Variants in CDH13 observed in about 807,000 individuals in gnomAD.
CDH13 encodes cadherin 13.
In CDH13, 24 loss-of-function variants were observed where a neutral mutation model predicts 63.8. The ratio of observed to expected loss-of-function variants is 0.38; its 90% CI spans 0.27 to 0.53. The LOEUF is 0.53. Ranked by LOEUF, CDH13 falls within the 20% of genes least tolerant of loss-of-function variation. CDH13 has a pLI of 0.85. For synonymous variants in CDH13, 503 were observed against 355.3 expected (o/e 1.42, Z -4.67); for missense variants, 1,049 against 903.1 (o/e 1.16, Z -2.07).
chr16:83,602,138 AAAAAACC>A (rs1410237482), intron 7 of CDH13, among the ~76,000 whole-genome samples: 2 of 82,928 alleles, frequency 2.4e-5, no homozygotes, highest in East Asian at 3.2e-4. Context: ...AAAAAAAAAA[AAAAAACC>A]CAAAGGACAA....
At chr16:83,378,701 C>T (rs2091501530) in intron 6 of CDH13, among the ~76,000 whole-genome samples, 1 of 152,114 alleles carries the variant, frequency 6.6e-6, no homozygotes, top group African/African-American at 2.4e-5. Flanking sequence ...GCCTTAGTTT[C>T]TTCCTCTTTA....
intron 5 of CDH13, among the ~76,000 whole-genome samples, chr16:83,342,327 A>AT (rs1306127016): frequency 6.6e-6 from 1 of 152,026 alleles, no homozygotes; most frequent in Non-Finnish European, 1.5e-5. Context: ...CTGTCTTTCC[A>AT]TGCTGGGTTA....
At chr16:83,600,345 C>G (rs76989158) in intron 7 of CDH13, among the ~76,000 whole-genome samples, 1 of 152,150 alleles carries the variant, frequency 6.6e-6, no homozygotes, top group Admixed American at 6.5e-5. Flanking sequence ...CACTCATCAC[C>G]GTGAATTGAA....
In CDH13 at chr16:82,791,412, C is replaced by T. The variant is rs995663505; in HGVS notation, c.46-66950C>T. Among the ~76,000 whole-genome samples, 14 of 152,158 alleles carry T rather than the reference C, an allele frequency of 9.2e-5. 1 individual carries two copies. The highest frequency in any genetic ancestry group is 3.9e-4 in the East Asian group (2 of 5,182). On this transcript the variant is annotated intron_variant, in intron 1 of 13. Coordinates refer to ENST00000567109, the MANE Select transcript of CDH13 (RefSeq NM_001257.5). ...GTAAAGAAGTAGTCAAATCATATATCGCCTGAGAACACAGGGGGAGCGACA... is the reference window on the plus strand; with the variant it reads ...GTAAAGAAGTAGTCAAATCATATATTGCCTGAGAACACAGGGGGAGCGACA...
At chr16:83,071,517 T>A (rs1048375179) in intron 3 of CDH13, among the ~76,000 whole-genome samples, 4 of 152,194 alleles carry the variant, frequency 2.6e-5, no homozygotes, top group Non-Finnish European at 5.9e-5. Context: ...GAGCAACGTC[T>A]GCCCTCACTG....
At chr16:82,843,654 C>G (rs1340314579) in intron 1 of CDH13, among the ~76,000 whole-genome samples, 2 of 152,172 alleles carry the variant, frequency 1.3e-5, no homozygotes, top group African/African-American at 4.8e-5. Flanking sequence ...ACAAAAAGGA[C>G]TTTGGTTCTG....
At chr16:82,879,487 TTTAA>T (rs1343426242) in intron 2 of CDH13, among the ~76,000 whole-genome samples, 5 of 144,908 alleles carry the variant, frequency 3.5e-5, no homozygotes, top group Non-Finnish European at 7.5e-5. Flanking sequence ...AAATATATAA[TTTAA>T]TTAAATATAT....
At chr16:83,440,784 C>CAAAAA (rs34731612) in intron 6 of CDH13, among the ~76,000 whole-genome samples, 1 of 123,590 alleles carries the variant, frequency 8.1e-6, no homozygotes, top group African/African-American at 3.2e-5. Context: ...GACTTCATCT[C>CAAAAA]AAAAAAAAAA....
chr16:82,889,509 T>G (rs906357188), intron 2 of CDH13, among the ~76,000 whole-genome samples: 2 of 152,224 alleles, frequency 1.3e-5, no homozygotes, highest in Non-Finnish European at 2.9e-5. Flanking sequence ...TGTGCAGATA[T>G]GAGTGATGGT....
chr16:83,099,464 C>T (rs575085491), intron 3 of CDH13, among the ~76,000 whole-genome samples: 13 of 151,554 alleles, frequency 8.6e-5, no homozygotes, highest in Admixed American at 4.0e-4. Context: ...GCTGGGATTA[C>T]AGGCACCTGG....
chr16:83,026,811 A>C (rs1170976398), intron 2 of CDH13, among the ~76,000 whole-genome samples: 1 of 152,114 alleles, frequency 6.6e-6, no homozygotes. Context: ...AAATGCACAC[A>C]CTGATTCCAA....
At chr16:83,334,448 T>G (rs960563780) in intron 5 of CDH13, among the ~76,000 whole-genome samples, 7 of 150,250 alleles carry the variant, frequency 4.7e-5, no homozygotes, top group Admixed American at 6.6e-5. Flanking sequence ...CACAGCTCCC[T>G]GCAGCTTCAA....
At chr16:83,251,534 T>A (rs896496812) in intron 5 of CDH13, among the ~76,000 whole-genome samples, 6 of 152,224 alleles carry the variant, frequency 3.9e-5, no homozygotes, top group African/African-American at 9.6e-5. Context: ...ACATGTCTGT[T>A]CTGTCCTCAT....
intron 1 of CDH13, among the ~76,000 whole-genome samples, chr16:82,735,065 C>G (rs2033603026): frequency 6.6e-6 from 1 of 152,170 alleles, no homozygotes. Context: ...AGTTGGCAGA[C>G]TCTCTCTTTT....
At chr16:82,671,193 A>G (rs1176141293) in intron 1 of CDH13, among the ~76,000 whole-genome samples, 1 of 152,246 alleles carries the variant, frequency 6.6e-6, no homozygotes, top group African/African-American at 2.4e-5. Context: ...GCTTGTAAAT[A>G]AAGTAAATGA....
intron 6 of CDH13, among the ~76,000 whole-genome samples, chr16:83,435,874 T>C (rs2072283916): frequency 6.6e-6 from 1 of 152,200 alleles, no homozygotes; most frequent in South Asian, 2.1e-4. Context: ...AGAGAGGAAT[T>C]GTGTGGCTAA....
rs546270055 is a variant in CDH13, at chr16:83,800,486, T to G, written c.*5456T>G. The G allele has an allele frequency of 6.6e-6, 1 of 152,360 alleles. No homozygotes were observed. Among genetic ancestry groups the G allele is most frequent in the African/African-American group, 2.4e-5 (1 of 41,590 alleles). 9.4% of individuals were successfully genotyped at this position (152,360 alleles called of 1,614,324 possible). A position where few individuals can be genotyped will look rare whatever the true frequency, so the allele number is the denominator to read the frequency against. The stretch of plus-strand genomic sequence containing the variant: ...GATAAAAGTTAATCATGTTAAAATA[T>G]TCAGTCTATGGCAGATGTCGCTCCT... On this transcript the variant is annotated 3_prime_UTR_variant, in exon 14 of 14. Coordinates refer to ENST00000567109, the MANE Select transcript of CDH13 (RefSeq NM_001257.5).
At chr16:82,865,212 T>C (rs538921185) in intron 2 of CDH13, among the ~76,000 whole-genome samples, 1 of 152,298 alleles carries the variant, frequency 6.6e-6, no homozygotes, top group South Asian at 2.1e-4. Context: ...AAGCTGTCAA[T>C]GGATCTACCA....
At position 83,061,914 on chromosome 16, in the gene CDH13, G is replaced by A. The variant is rs143319725; in HGVS notation, c.366+29696G>A. 2.6e-3 allele frequency among the ~76,000 whole-genome samples: 399 copies of A among 152,312 alleles called. 2 individuals carry two copies. Among genetic ancestry groups the A allele is most frequent in the Non-Finnish European group, 3.9e-3 (262 of 68,026 alleles). ...ACAATAGTCCAGGAGATGCTTACCT[G>A]AAGGAGAGGCCCTCTAGAGAGGCTG... On this transcript the variant is annotated intron_variant, in intron 3 of 13. Coordinates refer to ENST00000567109, the MANE Select transcript of CDH13 (RefSeq NM_001257.5).
Sources: gnomAD v4.1 joint callset for allele counts (sites outside exome capture counted in the v4.1 genomes callset) on GRCh38, gnomAD v4.1.1 for gene constraint, MANE v1.5 for transcripts, NCBI Gene and HGNC (gene_info 2026-07-23, HGNC 2026-07-21) for gene names.